The following SVEP1 variants were observed in gnomAD, a reference collection of about 807,000 sequenced individuals.
SVEP1 encodes sushi, von Willebrand factor type A, EGF and pentraxin domain containing 1, also known as sushi, von Willebrand factor type A, EGF and pentraxin domain-containing protein 1.
SVEP1 carries 164 observed loss-of-function variants against 367.3 expected under a neutral mutation model. The observed-to-expected ratio is 0.45, with a 90% confidence interval of 0.39 to 0.51. The LOEUF is 0.51. Ranked by LOEUF, SVEP1 falls within the 20% of genes least tolerant of loss-of-function variation. SVEP1 has a pLI of 0.00. For synonymous variants in SVEP1, 1,666 were observed against 1,611.6 expected (o/e 1.03, Z -0.81); for missense variants, 4,117 against 4,425.3 (o/e 0.93, Z 1.98).
rs747968831 is a variant in SVEP1, at chr9:110,481,318, A to C, written c.2289T>G (p.Ser763=). 1.0e-4 allele frequency: 166 copies of C among 1,611,572 alleles called. No individual in the cohort carries two copies. Among genetic ancestry groups the C allele is most frequent in the Non-Finnish European group, 1.2e-4 (147 of 1,178,916 alleles). Residue 763 remains serine (S), a synonymous_variant, in exon 12 of 48, where the codon TCT becomes TCG. Coordinates refer to ENST00000374469, the MANE Select transcript of SVEP1 (RefSeq NM_153366.4). The part of the protein sequence containing the change: ...CLEGYDFTEG[S]TDKYYCAYED... ...CATAAGCACAATAATACTTGTCAGTAGACCCTTCTGTGAAATCATAGCCCT... is the reference window on the plus strand; with the variant it reads ...CATAAGCACAATAATACTTGTCAGTCGACCCTTCTGTGAAATCATAGCCCT...
At chr9:110,577,430 CTATT>C (rs1830640322) in intron 1 of SVEP1, among the ~76,000 whole-genome samples, 2 of 152,078 alleles carry the variant, frequency 1.3e-5, no homozygotes, top group Non-Finnish European at 2.9e-5. Context: ...AACTGGTTAA[CTATT>C]TATTTTTTAA....
chr9:110,573,718 T>A (rs1830592279), intron 1 of SVEP1, among the ~76,000 whole-genome samples: 1 of 152,140 alleles, frequency 6.6e-6, no homozygotes. Flanking sequence ...AATTTAAACA[T>A]ATTCACTTTA....
intron 1 of SVEP1, among the ~76,000 whole-genome samples, chr9:110,565,563 G>A (rs1470983291): frequency 6.6e-6 from 1 of 152,140 alleles, no homozygotes; most frequent in Non-Finnish European, 1.5e-5. Context: ...AGTATATGAG[G>A]CAGGAGATGC....
At chr9:110,396,765 CACAT>C (rs1286814267) in intron 40 of SVEP1, among the ~76,000 whole-genome samples, 1 of 152,074 alleles carries the variant, frequency 6.6e-6, no homozygotes, top group Non-Finnish European at 1.5e-5. Flanking sequence ...AATTCCTCGA[CACAT>C]ACATCCTCCC....
intron 40 of SVEP1, among the ~76,000 whole-genome samples, chr9:110,391,616 C>G (rs1214960280): frequency 6.6e-6 from 1 of 152,020 alleles, no homozygotes; most frequent in South Asian, 2.1e-4. Context: ...GATAATTAAC[C>G]TTTAAACTTT....
Position 110,427,777 on chromosome 9 carries a change from T to C in SVEP1, c.5808-19A>G. 1.2e-6 allele frequency: 2 copies of C among 1,601,320 alleles called. No individual in the cohort carries two copies. The highest frequency in any genetic ancestry group is 1.7e-6 in the Non-Finnish European group (2 of 1,173,866). Reference sequence around the variant, plus strand: ...CTGTAAGCTGCGGGAAAGAATGATGTTACTCTTTCATTGGCTATGGATTTG... The same window carrying C: ...CTGTAAGCTGCGGGAAAGAATGATGCTACTCTTTCATTGGCTATGGATTTG... On this transcript the variant is annotated intron_variant, in intron 35 of 47. Coordinates refer to ENST00000374469, the MANE Select transcript of SVEP1 (RefSeq NM_153366.4).
At chr9:110,450,879 A>C (rs1828683263) in intron 23 of SVEP1, among the ~76,000 whole-genome samples, 1 of 152,082 alleles carries the variant, frequency 6.6e-6, no homozygotes, top group Non-Finnish European at 1.5e-5. Flanking sequence ...TCCATTCAAA[A>C]CTTGCCTGTT....
chr9:110,439,269 G>A lies in SVEP1; in HGVS notation c.4640-2765C>T, dbSNP rs1828477192. ...GCTCTCTCTCTCCCTGCCATGTGAG[G>A]ATACAGTGAGAAGGTGGCTGTCTAC... is the stretch of plus-strand genomic sequence containing the variant. On this transcript the variant is annotated intron_variant, in intron 27 of 47. Coordinates refer to ENST00000374469, the MANE Select transcript of SVEP1 (RefSeq NM_153366.4). Among the ~76,000 whole-genome samples the A allele has an allele frequency of 1.3e-5, 2 of 152,180 alleles. 1 individual carries two copies. Among genetic ancestry groups the A allele is most frequent in the South Asian group, 4.1e-4 (2 of 4,832 alleles).
At chr9:110,528,215 T>C (rs752859208) in intron 3 of SVEP1, among the ~76,000 whole-genome samples, 15 of 138,818 alleles carry the variant, frequency 1.1e-4, no homozygotes, top group East Asian at 4.2e-4. Context: ...CACTCATCAA[T>C]TGATGGGCAC....
chr9:110,542,222 T>C (rs1370029439), intron 3 of SVEP1, among the ~76,000 whole-genome samples: 1 of 152,080 alleles, frequency 6.6e-6, no homozygotes, highest in Non-Finnish European at 1.5e-5. Context: ...TTGGAAATAA[T>C]ATAGGACTTA....
chr9:110,560,059 T>C (rs1830406189), intron 1 of SVEP1, among the ~76,000 whole-genome samples: 1 of 152,160 alleles, frequency 6.6e-6, no homozygotes, highest in South Asian at 2.1e-4. Flanking sequence ...CACATAATGA[T>C]GTTTTGGTCA....
chr9:110,466,092 G>A (rs1245858103), intron 17 of SVEP1, 66 bp from the exon 18 acceptor site: 8 of 1,473,564 alleles, frequency 5.4e-6, no homozygotes, highest in South Asian at 4.1e-5. Context: ...AGTACTGTGC[G>A]GGATAGGGTT....
At position 110,389,228 on chromosome 9, in the gene SVEP1, A is replaced by ACC. The variant is rs3215846; in HGVS notation, c.9886+294_9886+295dup. ...TTCTAATTTATAATTATTTGAGAAA[A>ACC]CCCCCCCAAAATGCTAATAAACTCA... On this transcript the variant is annotated intron_variant, in intron 41 of 47. Transcript: ENST00000374469. Among the ~76,000 whole-genome samples the ACC allele has an allele frequency of 6.8e-3, 1,030 of 151,460 alleles. 7 individuals carry two copies. Among genetic ancestry groups the ACC allele is most frequent in the Non-Finnish European group, 0.01 (698 of 67,846 alleles).
At chr9:110,418,924 T>G (rs1008145487) in intron 36 of SVEP1, among the ~76,000 whole-genome samples, 2 of 94,142 alleles carry the variant, frequency 2.1e-5, no homozygotes, top group South Asian at 3.4e-4. Flanking sequence ...CTGAGAGATT[T>G]TGTCACCACC....
At chr9:110,514,238 G>T in intron 3 of SVEP1, 132 bp from the exon 4 acceptor site, 1 of 1,232,998 alleles carries the variant, frequency 8.1e-7, no homozygotes, top group Non-Finnish European at 1.1e-6. Flanking sequence ...TAGGCTGGGT[G>T]TGGTGGCTCA....
At chr9:110,451,227 G>T in intron 23 of SVEP1, 62 bp downstream of exon 23, 1 of 1,290,742 alleles carries the variant, frequency 7.7e-7, no homozygotes, top group Non-Finnish European at 1.1e-6. Flanking sequence ...GTTAAGAAAT[G>T]TACTAATTTG....
intron 37 of SVEP1, among the ~76,000 whole-genome samples, chr9:110,410,699 G>A (rs1245127841): frequency 6.6e-6 from 1 of 152,036 alleles, no homozygotes; most frequent in Non-Finnish European, 1.5e-5. Flanking sequence ...TTCACTACCT[G>A]TAGATTTTAG....
intron 7 of SVEP1, among the ~76,000 whole-genome samples, chr9:110,497,688 T>C (rs1829471202): frequency 6.6e-6 from 1 of 152,276 alleles, no homozygotes; most frequent in Non-Finnish European, 1.5e-5. Context: ...TTTTACTTTA[T>C]ACTATGGTGC....
chr9:110,369,808 C>A, intron 47 of SVEP1, 115 bp downstream of exon 47: 2 of 793,452 alleles, frequency 2.5e-6, no homozygotes, highest in Non-Finnish European at 3.9e-6. Context: ...GATGTTTTCA[C>A]ATACAAAATA....
Sources: gnomAD v4.1 joint callset for allele counts (sites outside exome capture counted in the v4.1 genomes callset) on GRCh38, gnomAD v4.1.1 for gene constraint, MANE v1.5 for transcripts, NCBI Gene and HGNC (gene_info 2026-07-23, HGNC 2026-07-21) for gene names.